The following GNB4 variants were observed in gnomAD, a reference collection of about 807,000 sequenced individuals.
The protein encoded by GNB4 is guanine nucleotide-binding protein subunit beta-4.
GNB4 carries 28 observed loss-of-function variants against 45.2 expected under a neutral mutation model. The ratio of observed to expected loss-of-function variants is 0.62; its 90% CI spans 0.46 to 0.85. GNB4 has a LOEUF of 0.85. GNB4 is among the 40% of genes least tolerant of loss of function. GNB4 has a pLI of 0.00. For missense variants in GNB4, 321 were observed against 425.4 expected (o/e 0.75, Z 2.16); for synonymous variants, 132 against 143.7 (o/e 0.92, Z 0.58).
the GNB4 span, among the ~76,000 whole-genome samples, chr3:179,505,653 T>C: frequency 6.6e-6 from 1 of 152,238 alleles, no homozygotes; most frequent in African/African-American, 2.4e-5. Flanking sequence ...ATTTACCCAC[T>C]GACATGACAA....
chr3:179,445,391 C>T (rs964426821), intron 1 of GNB4, among the ~76,000 whole-genome samples: 1 of 152,084 alleles, frequency 6.6e-6, no homozygotes, highest in Non-Finnish European at 1.5e-5. Flanking sequence ...CTCAATCAAT[C>T]TTCCTACCCT....
At chr3:179,496,431 C>T in the GNB4 span, among the ~76,000 whole-genome samples, 14 of 151,986 alleles carry the variant, frequency 9.2e-5, no homozygotes, top group African/African-American at 3.4e-4. Context: ...GAGGAAGAAA[C>T]AAAATAACTA....
the GNB4 span, among the ~76,000 whole-genome samples, chr3:179,478,240 C>T: frequency 6.6e-6 from 1 of 152,118 alleles, no homozygotes; most frequent in Non-Finnish European, 1.5e-5. Context: ...ATGACTTAAT[C>T]ACCTCTTAAT....
the GNB4 span, among the ~76,000 whole-genome samples, chr3:179,483,110 T>A: frequency 1.3e-5 from 2 of 152,240 alleles, no homozygotes; most frequent in East Asian, 3.8e-4. Context: ...TTCCTTTCTA[T>A]CTAAAGGACA....
In GNB4 at chr3:179,420,992, T is replaced by C. The variant is rs1183113470; in HGVS notation, c.58-65A>G. ...TGTGGAATGACTAAAGTGATACTTT[T>C]ATTGAAAACGTAGATTTGTGAATTT... On this transcript the variant is annotated intron_variant, in intron 2 of 9. Coordinates refer to ENST00000232564, the MANE Select transcript of GNB4 (RefSeq NM_021629.4). The C allele has an allele frequency of 4.4e-6, 4 of 904,354 alleles. No individual in the cohort carries two copies. The South Asian group carries it at 5.9e-5, about 13-fold the overall frequency. 56.0% of individuals were successfully genotyped at this position (904,354 alleles called of 1,614,324 possible). A position where few individuals can be genotyped will look rare whatever the true frequency, so the allele number is the denominator to read the frequency against.
chr3:179,521,012 A>G, the GNB4 span, among the ~76,000 whole-genome samples: 11 of 152,074 alleles, frequency 7.2e-5, no homozygotes, highest in African/African-American at 2.4e-4. Flanking sequence ...TACCCCTCAG[A>G]GATTGTTCAG....
intron 1 of GNB4, among the ~76,000 whole-genome samples, chr3:179,436,980 T>G (rs1715469241): frequency 6.6e-6 from 1 of 152,260 alleles, no homozygotes; most frequent in East Asian, 1.9e-4. Context: ...GGGTTTATTC[T>G]CTCATCAAAT....
the GNB4 span, among the ~76,000 whole-genome samples, chr3:179,521,405 C>T: frequency 6.6e-6 from 1 of 152,352 alleles, no homozygotes; most frequent in East Asian, 1.9e-4. Flanking sequence ...CCTCGGAATG[C>T]TACAGGGTAC....
intron 1 of GNB4, among the ~76,000 whole-genome samples, chr3:179,433,337 C>T (rs902940830): frequency 8.5e-5 from 13 of 152,066 alleles, no homozygotes; most frequent in Non-Finnish European, 1.9e-4. Flanking sequence ...GTTCAATGAC[C>T]AGCTGTACCC....
chr3:179,407,458 A>C (rs1249770232), intron 8 of GNB4, among the ~76,000 whole-genome samples: 1 of 152,156 alleles, frequency 6.6e-6, no homozygotes, highest in Admixed American at 6.6e-5. Flanking sequence ...GACTGTCTCA[A>C]AATAAGTAAG....
At chr3:179,522,279 GA>G in the GNB4 span, among the ~76,000 whole-genome samples, 6 of 148,334 alleles carry the variant, frequency 4.0e-5, no homozygotes, top group Non-Finnish European at 7.4e-5. Context: ...AGCACCTTGT[GA>G]ACCCCCGCCC....
At chr3:179,519,589 G>A in the GNB4 span, among the ~76,000 whole-genome samples, 36 of 152,092 alleles carry the variant, frequency 2.4e-4, no homozygotes, top group South Asian at 4.2e-4. Flanking sequence ...CTCTTTTTTA[G>A]TTATCCCCAC....
chr3:179,429,512 A>C (rs1715243637), intron 1 of GNB4, among the ~76,000 whole-genome samples: 1 of 152,208 alleles, frequency 6.6e-6, no homozygotes, highest in African/African-American at 2.4e-5. Context: ...AGAAGAAAAA[A>C]GATGAGGGGT....
chr3:179,422,465 A>G (rs992731379), intron 2 of GNB4, among the ~76,000 whole-genome samples: 3 of 144,234 alleles, frequency 2.1e-5, no homozygotes, highest in African/African-American at 2.6e-5. Context: ...TGTCTCTGGA[A>G]AAAAAAAAAG....
At chr3:179,493,903 T>C in the GNB4 span, among the ~76,000 whole-genome samples, 1 of 152,226 alleles carries the variant, frequency 6.6e-6, no homozygotes, top group South Asian at 2.1e-4. Context: ...AAATTCTATT[T>C]TGATCTCTCT....
the GNB4 span, among the ~76,000 whole-genome samples, chr3:179,527,647 C>T: frequency 6.6e-6 from 1 of 152,076 alleles, no homozygotes; most frequent in Non-Finnish European, 1.5e-5. Context: ...ATAGTTTGCT[C>T]CTATCAAAAT....
the GNB4 span, among the ~76,000 whole-genome samples, chr3:179,506,870 C>T: frequency 6.6e-6 from 1 of 152,126 alleles, no homozygotes; most frequent in African/African-American, 2.4e-5. Flanking sequence ...CAATCTGTTG[C>T]TCACTCCCTA....
chr3:179,495,428 G>C, the GNB4 span, among the ~76,000 whole-genome samples: 4 of 151,814 alleles, frequency 2.6e-5, no homozygotes, highest in African/African-American at 9.7e-5. Flanking sequence ...GTGAGCCAAG[G>C]TCATGCCACT....
chr3:179,494,243 GAAGA>G, the GNB4 span, among the ~76,000 whole-genome samples: 1 of 149,322 alleles, frequency 6.7e-6, no homozygotes, highest in Admixed American at 6.8e-5. Context: ...CTTAGCTGAA[GAAGA>G]AAGAAAGAAG....
Sources: gnomAD v4.1 joint callset for allele counts (sites outside exome capture counted in the v4.1 genomes callset) on GRCh38, gnomAD v4.1.1 for gene constraint, MANE v1.5 for transcripts, NCBI Gene and HGNC (gene_info 2026-07-23, HGNC 2026-07-21) for gene names.